MSRA: variants seen among roughly 807,000 people sequenced by gnomAD.
MSRA encodes methionine sulfoxide reductase A.
Under a neutral mutation model 31.3 loss-of-function variants are expected in MSRA, and 54 were observed. The observed-to-expected ratio is 1.73, with a 90% CI of 1.39 to 2.17. The LOEUF is 2.17. Among genes scored for constraint, MSRA ranks in the 30% most tolerant of loss-of-function variants. MSRA has a pLI of 0.00. For synonymous variants in MSRA, 169 were observed against 116.5 expected (o/e 1.45, Z -2.90); for missense variants, 507 against 300.9 (o/e 1.69, Z -5.07).
At chr8:10,171,636 AC>A (rs1805596712) in intron 1 of MSRA, among the ~76,000 whole-genome samples, 1 of 152,226 alleles carries the variant, frequency 6.6e-6, no homozygotes, top group South Asian at 2.1e-4. Flanking sequence ...ACAGCAAACG[AC>A]TGATACGGAC....
chr8:10,298,882 A>G (rs1800688065), intron 3 of MSRA, among the ~76,000 whole-genome samples: 2 of 152,142 alleles, frequency 1.3e-5, no homozygotes, highest in Admixed American at 6.5e-5. Context: ...TATCTTTTCT[A>G]TTAGTTGAAG....
chr8:10,298,966 C>T (rs1299086846), intron 3 of MSRA, among the ~76,000 whole-genome samples: 1 of 152,172 alleles, frequency 6.6e-6, no homozygotes, highest in African/African-American at 2.4e-5. Context: ...TTGCTACATA[C>T]ACCCGTGGGG....
At chr8:10,123,639 A>G (rs2062333) in intron 1 of MSRA, among the ~76,000 whole-genome samples, 84,303 of 151,828 alleles carry the variant, frequency 0.56, 24,313 homozygotes, top group East Asian at 0.96. Context: ...GAGTTTTTAT[A>G]GTTTTGAGGT....
intron 1 of MSRA, among the ~76,000 whole-genome samples, chr8:10,071,654 T>TA (rs1378064116): frequency 1.3e-5 from 2 of 152,178 alleles, no homozygotes; most frequent in African/African-American, 2.4e-5. Flanking sequence ...ATTTTATATT[T>TA]AAGTCTGTGA....
intron 2 of MSRA, among the ~76,000 whole-genome samples, chr8:10,218,950 T>C (rs988564771): frequency 1.3e-5 from 2 of 152,126 alleles, no homozygotes; most frequent in Admixed American, 6.5e-5. Flanking sequence ...CAGGCAAAGC[T>C]CTCTCCACGG....
intron 5 of MSRA, among the ~76,000 whole-genome samples, chr8:10,335,448 C>T (rs1802981814): frequency 6.6e-6 from 1 of 152,018 alleles, no homozygotes; most frequent in Admixed American, 6.6e-5. Flanking sequence ...CTGAATGTTT[C>T]GAAAATTATC....
intron 5 of MSRA, among the ~76,000 whole-genome samples, chr8:10,321,953 G>A (rs572618761): frequency 1.3e-5 from 2 of 152,326 alleles, no homozygotes; most frequent in East Asian, 1.9e-4. Flanking sequence ...AAGCTGCTAA[G>A]TTTTAGAGTA....
At chr8:10,216,740 T>C (rs1253588741) in intron 2 of MSRA, among the ~76,000 whole-genome samples, 1 of 152,254 alleles carries the variant, frequency 6.6e-6, no homozygotes, top group Non-Finnish European at 1.5e-5. Context: ...TGTTGTATTG[T>C]GTATGAAAAT....
intron 1 of MSRA, among the ~76,000 whole-genome samples, chr8:10,079,632 C>T (rs1240854198): frequency 6.6e-6 from 1 of 152,148 alleles, no homozygotes; most frequent in Non-Finnish European, 1.5e-5. Flanking sequence ...CCGCAGTGTC[C>T]CTCCCCGCAC....
chr8:10,172,208 G>A (rs543267259), intron 1 of MSRA, among the ~76,000 whole-genome samples: 1 of 152,294 alleles, frequency 6.6e-6, no homozygotes, highest in African/African-American at 2.4e-5. Context: ...ACGGGAGTAT[G>A]GGTTGGTGTG....
intron 2 of MSRA, among the ~76,000 whole-genome samples, chr8:10,209,464 G>A (rs1364719935): frequency 2.0e-5 from 3 of 152,212 alleles, no homozygotes; most frequent in East Asian, 1.9e-4. Context: ...TGATGACATT[G>A]TTTGACTACA....
At chr8:10,341,403 G>T (rs1244261146) in intron 5 of MSRA, among the ~76,000 whole-genome samples, 1 of 152,138 alleles carries the variant, frequency 6.6e-6, no homozygotes, top group African/African-American at 2.4e-5. Context: ...TGTGCACTTA[G>T]AGTGAAAGCC....
chr8:10,409,472 T>C (rs780755814), intron 5 of MSRA, among the ~76,000 whole-genome samples: 3 of 152,194 alleles, frequency 2.0e-5, no homozygotes, highest in Non-Finnish European at 4.4e-5. Context: ...GGTGAGTGGT[T>C]GAGAACCATG....
At chr8:10,230,614 A>G (rs1304896321) in intron 2 of MSRA, among the ~76,000 whole-genome samples, 2 of 152,250 alleles carry the variant, frequency 1.3e-5, no homozygotes, top group Non-Finnish European at 2.9e-5. Context: ...GTCAGTCTGT[A>G]TAAACATTTT....
chr8:10,087,430 G>C (rs1357613906), intron 1 of MSRA, among the ~76,000 whole-genome samples: 1 of 152,210 alleles, frequency 6.6e-6, no homozygotes, highest in African/African-American at 2.4e-5. Context: ...AGTAGTGGTT[G>C]TTCAGAGAGT....
At chr8:10,386,311 C>T (rs1431396770) in intron 5 of MSRA, among the ~76,000 whole-genome samples, 2 of 152,124 alleles carry the variant, frequency 1.3e-5, no homozygotes, top group African/African-American at 2.4e-5. Flanking sequence ...ATATTAGTTT[C>T]ACACCAGATA....
chr8:10,400,638 T>A (rs112340697), intron 5 of MSRA, among the ~76,000 whole-genome samples: 24 of 150,412 alleles, frequency 1.6e-4, no homozygotes, highest in African/African-American at 5.9e-4. Context: ...CTCAGGGGAG[T>A]CTGGTTGCTG....
chr8:10,294,579 C>T (rs1800425488), intron 3 of MSRA, among the ~76,000 whole-genome samples: 1 of 152,190 alleles, frequency 6.6e-6, no homozygotes, highest in Non-Finnish European at 1.5e-5. Context: ...GCTCTCCTCT[C>T]CATGCTCCTT....
intron 2 of MSRA, among the ~76,000 whole-genome samples, chr8:10,224,152 A>T (rs942838574): frequency 6.6e-6 from 1 of 152,208 alleles, no homozygotes; most frequent in South Asian, 2.1e-4. Flanking sequence ...CCCTTAACAG[A>T]TAGTAGCTTC....
Sources: allele counts gnomAD v4.1 joint callset (sites outside exome capture counted in the v4.1 genomes callset), GRCh38; gene constraint gnomAD v4.1.1; transcripts MANE v1.5; gene names NCBI Gene and HGNC (gene_info 2026-07-23, HGNC 2026-07-21).